The following CPQ variants were observed in gnomAD, a reference collection of about 807,000 sequenced individuals.
CPQ encodes the protein Ser-Met dipeptidase.
Under a neutral mutation model 45.7 loss-of-function variants are expected in CPQ, and 37 were observed. The observed-to-expected ratio is 0.81, with a 90% CI of 0.62 to 1.07. The LOEUF (loss-of-function observed/expected upper bound fraction) is 1.07, where lower values mean the gene tolerates loss of function less well. Among genes scored for constraint, CPQ ranks in the 50% least tolerant of loss-of-function variants. CPQ has a pLI of 0.00. For missense variants in CPQ, 537 were observed against 572.9 expected (o/e 0.94, Z 0.64); for synonymous variants, 186 against 205.8 (o/e 0.90, Z 0.82).
intron 1 of CPQ, among the ~76,000 whole-genome samples, chr8:96,741,322 C>T (rs1465119927): frequency 6.6e-6 from 1 of 152,012 alleles, no homozygotes; most frequent in Non-Finnish European, 1.5e-5. Context: ...GTGGTGATAT[C>T]CCCTTTAACA....
intron 1 of CPQ, among the ~76,000 whole-genome samples, chr8:96,753,615 A>G (rs1810290754): frequency 7.2e-6 from 1 of 139,394 alleles, no homozygotes; most frequent in Admixed American, 7.1e-5. Context: ...TATTGTTAGT[A>G]TATAGAAAAT....
intron 4 of CPQ, among the ~76,000 whole-genome samples, chr8:96,935,962 A>G (rs1270799019): frequency 6.6e-6 from 1 of 151,708 alleles, no homozygotes; most frequent in Admixed American, 6.6e-5. Flanking sequence ...TTTCTTAACC[A>G]TGTATTGCTT....
intron 7 of CPQ, among the ~76,000 whole-genome samples, chr8:97,122,992 TAAA>T (rs1563586978): frequency 7.5e-5 from 3 of 39,936 alleles, no homozygotes; most frequent in South Asian, 5.9e-4. Context: ...TAAAATAAAA[TAAA>T]ATAAAATATA....
intron 1 of CPQ, 118 bp from the exon 2 acceptor site, chr8:96,784,746 A>G (rs1810737967): frequency 4.4e-6 from 3 of 680,608 alleles, no homozygotes; most frequent in Non-Finnish European, 4.9e-6. Context: ...TTGATGGTGG[A>G]TGTTGGGCAG....
chr8:96,934,181 T>C (rs1390201350), intron 4 of CPQ, among the ~76,000 whole-genome samples: 1 of 152,212 alleles, frequency 6.6e-6, no homozygotes, highest in Non-Finnish European at 1.5e-5. Context: ...TGTCTGGCAT[T>C]CTCTGGAGTC....
rs192003000 is a variant in CPQ, at chr8:96,806,611, C to T, written c.433+21281C>T. 7.2e-5 allele frequency among the ~76,000 whole-genome samples: 11 copies of T among 152,216 alleles called. No homozygotes were observed. The East Asian group carries it at 7.7e-4, about 11-fold the overall frequency. On this transcript the variant is annotated intron_variant, in intron 2 of 7. Coordinates refer to ENST00000220763, the MANE Select transcript of CPQ (RefSeq NM_016134.4). ...ACATATGTCAGCCTGAATTAAACAA[C>T]GTTGAATTTAATAGGTGTGTTGAGA...
At chr8:96,887,370 C>T (rs1162957263) in intron 4 of CPQ, among the ~76,000 whole-genome samples, 5 of 152,168 alleles carry the variant, frequency 3.3e-5, no homozygotes, top group Admixed American at 6.5e-5. Flanking sequence ...GAGGAGACTC[C>T]TGAGAGCGAG....
chr8:96,910,246 T>C (rs1376433869), intron 4 of CPQ, among the ~76,000 whole-genome samples: 2 of 152,148 alleles, frequency 1.3e-5, no homozygotes, highest in Non-Finnish European at 2.9e-5. Flanking sequence ...CCTTGCCCAA[T>C]ATGATACATC....
At chr8:96,780,977 T>C (rs1457221084) in intron 1 of CPQ, among the ~76,000 whole-genome samples, 1 of 152,146 alleles carries the variant, frequency 6.6e-6, no homozygotes, top group African/African-American at 2.4e-5. Context: ...GTTGAAGTAG[T>C]TGTTGGAGTC....
intron 4 of CPQ, among the ~76,000 whole-genome samples, chr8:96,925,219 G>A (rs956119594): frequency 1.3e-5 from 2 of 152,068 alleles, no homozygotes; most frequent in African/African-American, 4.8e-5. Flanking sequence ...TTAAGGCCCT[G>A]GCATAATTTC....
At chr8:96,976,540 A>C (rs1813790728) in intron 5 of CPQ, among the ~76,000 whole-genome samples, 1 of 152,152 alleles carries the variant, frequency 6.6e-6, no homozygotes. Flanking sequence ...CCGCATAGCC[A>C]AAGCAAGACC....
chr8:96,823,115 C>T (rs1274124477), intron 2 of CPQ, among the ~76,000 whole-genome samples: 1 of 151,918 alleles, frequency 6.6e-6, no homozygotes, highest in African/African-American at 2.4e-5. Context: ...AGACATGCCA[C>T]CCCCTTTAAG....
chr8:96,737,707 C>A (rs537685396), intron 1 of CPQ, among the ~76,000 whole-genome samples: 22 of 152,136 alleles, frequency 1.4e-4, no homozygotes, highest in Middle Eastern at 3.4e-3. Flanking sequence ...TACTTTGTAT[C>A]CCTCAGTCCA....
rs1811645627 is a variant in CPQ at position 97,118,974 on chromosome 8, AAC to A, written c.1256-24044_1256-24043del. The stretch of plus-strand genomic sequence containing the variant: ...TGGCAGAGTTGAGTGATTGTTTTGC[AAC>A]AGAGACTGTATGGCCCACTAAACCT... On this transcript the variant is annotated intron_variant, in intron 7 of 7. Transcript: ENST00000220763. 6.6e-5 allele frequency among the ~76,000 whole-genome samples: 10 copies of A among 152,200 alleles called. No individual in the cohort carries two copies. In the South Asian group the frequency reaches 2.1e-3, roughly 32 times the overall value.
intron 2 of CPQ, among the ~76,000 whole-genome samples, chr8:96,801,153 T>C (rs559671171): frequency 7.8e-4 from 118 of 152,096 alleles, no homozygotes; most frequent in African/African-American, 2.8e-3. Context: ...TTTTTGTATT[T>C]TTTGGTAGAG....
chr8:96,651,062 A>G (rs1446316127), intron 1 of CPQ, among the ~76,000 whole-genome samples: 2 of 152,210 alleles, frequency 1.3e-5, no homozygotes, highest in Admixed American at 1.3e-4. Context: ...TTGGGTATTG[A>G]ATATGAAGAT....
intron 4 of CPQ, among the ~76,000 whole-genome samples, chr8:96,910,192 C>T (rs1202743711): frequency 6.6e-6 from 1 of 152,122 alleles, no homozygotes; most frequent in African/African-American, 2.4e-5. Context: ...TTTCCATTCA[C>T]ATTTATGATA....
chr8:96,712,690 A>T (rs1040498846), intron 1 of CPQ, among the ~76,000 whole-genome samples: 1 of 152,154 alleles, frequency 6.6e-6, no homozygotes, highest in Non-Finnish European at 1.5e-5. Flanking sequence ...TGCATAGAGC[A>T]TGGGGGCCCT....
At chr8:96,951,741 C>T (rs1189388660) in intron 4 of CPQ, among the ~76,000 whole-genome samples, 14 of 152,110 alleles carry the variant, frequency 9.2e-5, no homozygotes, top group Admixed American at 8.5e-4. Flanking sequence ...GATACTCCCT[C>T]TAATTCAAAC....
Sources: allele counts gnomAD v4.1 joint callset (sites outside exome capture counted in the v4.1 genomes callset), GRCh38; gene constraint gnomAD v4.1.1; transcripts MANE v1.5; gene names NCBI Gene and HGNC (gene_info 2026-07-23, HGNC 2026-07-21).